The following YAP1 variants were observed in gnomAD, a reference collection of about 807,000 sequenced individuals.
The protein encoded by YAP1 is transcriptional coactivator YAP1.
YAP1 carries 5 observed loss-of-function variants against 56.9 expected under a neutral mutation model. That is an observed-to-expected ratio of 0.09 (90% CI 0.05 to 0.18). The LOEUF (loss-of-function observed/expected upper bound fraction) is 0.18, where lower values mean the gene tolerates loss of function less well. Ranked by LOEUF, YAP1 falls within the 10% of genes least tolerant of loss-of-function variation. The pLI is 1.00. For synonymous variants in YAP1, 265 were observed against 248.1 expected (o/e 1.07, Z -0.64); for missense variants, 539 against 651.8 (o/e 0.83, Z 1.88).
chr11:102,125,542 A>G (rs1446416715), intron 2 of YAP1, among the ~76,000 whole-genome samples: 1 of 149,874 alleles, frequency 6.7e-6, no homozygotes, highest in Admixed American at 6.7e-5. Flanking sequence ...ATGCCTGGCT[A>G]ATTTTTTTAT....
chr11:102,138,453 C>T (rs1308581311), intron 2 of YAP1, among the ~76,000 whole-genome samples: 1 of 152,146 alleles, frequency 6.6e-6, no homozygotes, highest in Non-Finnish European at 1.5e-5. Flanking sequence ...TCTGTTTAGT[C>T]CAGGCTTCCT....
chr11:102,111,487 G>C (rs1942903682), intron 1 of YAP1, among the ~76,000 whole-genome samples: 1 of 144,294 alleles, frequency 6.9e-6, no homozygotes, highest in Admixed American at 7.0e-5. Flanking sequence ...GGCGGGAGTG[G>C]AGGAGGGGTG....
At position 102,185,368 on chromosome 11, in the gene YAP1, G is replaced by A. The variant is rs759555311; in HGVS notation, c.689-650G>A. ...TAAAGTTTGCCTTCCAACAACTTTAGCACTTATCTTGCCTCCTCCCAAGCC... is the reference window on the plus strand; with the variant it reads ...TAAAGTTTGCCTTCCAACAACTTTAACACTTATCTTGCCTCCTCCCAAGCC... On this transcript the variant is annotated intron_variant, in intron 3 of 8. Transcript: ENST00000282441. Among the ~76,000 whole-genome samples, 72 of 152,204 alleles carry A rather than the reference G, an allele frequency of 4.7e-4. 2 individuals are homozygous for A. Among genetic ancestry groups the A allele is most frequent in the Non-Finnish European group, 9.3e-4 (63 of 68,024 alleles).
At position 102,110,529 on chromosome 11, in the gene YAP1, G is replaced by A. The variant is rs1475412580; in HGVS notation, c.-320G>A. 4 of 182,036 alleles carry A rather than the reference G, an allele frequency of 2.2e-5. No homozygotes were observed. Among genetic ancestry groups the A allele is most frequent in the Admixed American group, 6.1e-5 (1 of 16,364 alleles). The allele number at this position is 182,036 out of a possible 1,614,324, so 11.3% of individuals were successfully genotyped here. ...AAGGAAATAAAGAGAAAGGGGAGGC[G>A]GGGAAAGGCAACGAGCTGTCCGGCC... is the stretch of plus-strand genomic sequence containing the variant. On this transcript the variant is annotated 5_prime_UTR_variant, in exon 1 of 9. Transcript: ENST00000282441.
chr11:102,117,092 G>A (rs2135131520), intron 2 of YAP1, among the ~76,000 whole-genome samples: 1 of 152,178 alleles, frequency 6.6e-6, no homozygotes, highest in African/African-American at 2.4e-5. Flanking sequence ...ACTTCTTTTT[G>A]TGTACTGAAC....
At chr11:102,114,722 T>C (rs1285355248) in intron 2 of YAP1, among the ~76,000 whole-genome samples, 1 of 152,200 alleles carries the variant, frequency 6.6e-6, no homozygotes, top group Non-Finnish European at 1.5e-5. Context: ...AAGAATACCA[T>C]GAAAATTTTC....
intron 2 of YAP1, among the ~76,000 whole-genome samples, chr11:102,146,668 A>G (rs779450638): frequency 1.3e-5 from 2 of 152,062 alleles, no homozygotes; most frequent in African/African-American, 2.4e-5. Flanking sequence ...CTCAACTCTA[A>G]TATGTCTATT....
intron 3 of YAP1, among the ~76,000 whole-genome samples, chr11:102,168,585 G>A (rs1946732272): frequency 6.6e-6 from 1 of 152,168 alleles, no homozygotes; most frequent in African/African-American, 2.4e-5. Context: ...AAACTGTGAG[G>A]ATTTCCTAGG....
At chr11:102,212,872 C>T (rs1412270510) in intron 6 of YAP1, among the ~76,000 whole-genome samples, 2 of 152,236 alleles carry the variant, frequency 1.3e-5, no homozygotes, top group African/African-American at 4.8e-5. Context: ...TGAGCCACCA[C>T]ACCCTGCCAA....
At position 102,209,565 on chromosome 11, in the gene YAP1, G is replaced by T; in HGVS notation, c.1032+1G>T. The T allele has an allele frequency of 6.3e-7, 1 of 1,592,420 alleles. No individual in the cohort carries two copies. The highest frequency in any genetic ancestry group is 8.5e-7 in the Non-Finnish European group (1 of 1,172,696). ...CACAGCAAATTCTCCAAAATGTCAG[G>T]TAGGCTCTTATCTGATGTTTTAGCA... On this transcript the variant is annotated splice_donor_variant, in intron 6 of 8. Coordinates refer to ENST00000282441, the MANE Select transcript of YAP1 (RefSeq NM_001130145.3). LOFTEE classifies it high-confidence loss of function.
At chr11:102,189,013 A>G (rs185130023) in intron 4 of YAP1, among the ~76,000 whole-genome samples, 7 of 152,288 alleles carry the variant, frequency 4.6e-5, no homozygotes, top group Non-Finnish European at 1.0e-4. Flanking sequence ...GTGACATCAG[A>G]TGGCAATAAG....
chr11:102,115,618 C>T (rs1037133869), intron 2 of YAP1, among the ~76,000 whole-genome samples: 1 of 149,654 alleles, frequency 6.7e-6, no homozygotes, highest in Non-Finnish European at 1.5e-5. Flanking sequence ...TAAAAAAATT[C>T]ATTTTCTGGT....
chr11:102,187,202 G>A (rs1948014207), intron 4 of YAP1, among the ~76,000 whole-genome samples: 3 of 152,166 alleles, frequency 2.0e-5, no homozygotes, highest in Admixed American at 6.5e-5. Context: ...CAGTTATTTT[G>A]TGTCTTATAT....
chr11:102,113,723 A>G (rs1405667414), intron 1 of YAP1, among the ~76,000 whole-genome samples: 1 of 152,170 alleles, frequency 6.6e-6, no homozygotes, highest in African/African-American at 2.4e-5. Context: ...ATTACTTAAA[A>G]CCTAGTAAAA....
At chr11:102,209,453 C>A in intron 5 of YAP1, 64 bp from the exon 6 acceptor site, 1 of 1,411,994 alleles carries the variant, frequency 7.1e-7, no homozygotes, top group South Asian at 1.2e-5. Context: ...ATTTGTAAGT[C>A]AGCCTACACA....
chr11:102,225,003 T>C (rs1231459784), intron 7 of YAP1, among the ~76,000 whole-genome samples: 1 of 149,622 alleles, frequency 6.7e-6, no homozygotes, highest in African/African-American at 2.4e-5. Context: ...CTTATGAAGA[T>C]TTTTTTTCTT....
intron 3 of YAP1, among the ~76,000 whole-genome samples, chr11:102,176,514 A>G (rs1239406911): frequency 5.9e-5 from 9 of 151,954 alleles, no homozygotes; most frequent in South Asian, 2.1e-4. Context: ...TTGGGAGGCA[A>G]TGTGGGTGGA....
At chr11:102,130,114 C>T (rs545524223) in intron 2 of YAP1, among the ~76,000 whole-genome samples, 97 of 152,114 alleles carry the variant, frequency 6.4e-4, no homozygotes, top group African/African-American at 2.2e-3. Context: ...AAAACCAGAC[C>T]AGAGCACCAT....
rs112773705 is a variant in YAP1, at chr11:102,110,762, C to A, written c.-87C>A. On this transcript the variant is annotated 5_prime_UTR_variant, in exon 1 of 9. Transcript: ENST00000282441. Reference sequence around the variant, plus strand: ...GCCCGGCCCGCAGCCGTCGCCGCTTCTCCACCTCGGCCCGTGGAGCCGGGG... The same window carrying A: ...GCCCGGCCCGCAGCCGTCGCCGCTTATCCACCTCGGCCCGTGGAGCCGGGG... The A allele has an allele frequency of 1.7e-6, 2 of 1,190,242 alleles. No individual in the cohort carries two copies. Among genetic ancestry groups the A allele is most frequent in the Non-Finnish European group, 2.1e-6 (2 of 951,682 alleles). 73.7% of individuals were successfully genotyped at this position (1,190,242 alleles called of 1,614,324 possible). A position where few individuals can be genotyped will look rare whatever the true frequency, so the allele number is the denominator to read the frequency against.
Sources: gnomAD v4.1 joint callset for allele counts (sites outside exome capture counted in the v4.1 genomes callset) on GRCh38, gnomAD v4.1.1 for gene constraint, MANE v1.5 for transcripts, NCBI Gene and HGNC (gene_info 2026-07-23, HGNC 2026-07-21) for gene names.